Variants in CNTD1 observed in about 807,000 individuals in gnomAD.
CNTD1 encodes cyclin N-terminal domain containing 1, also known as cyclin N-terminal domain-containing protein 1.
CNTD1 carries 17 observed loss-of-function variants against 36.3 expected under a neutral mutation model. The observed-to-expected ratio is 0.47, with a 90% CI of 0.32 to 0.70. The LOEUF (loss-of-function observed/expected upper bound fraction) is 0.70. Ranked by LOEUF, CNTD1 falls within the 30% of genes least tolerant of loss-of-function variation. CNTD1 has a pLI of 0.03. For synonymous variants in CNTD1, 128 were observed against 153.3 expected, an observed-to-expected ratio of 0.83 and a Z score of 1.22; for missense variants, 338 against 386.1, an observed-to-expected ratio of 0.88 and a Z score of 1.04.
chr17:42,798,826 G>A (rs1349116507), upstream of CNTD1: 2 of 1,444,864 alleles, frequency 1.4e-6, no homozygotes, highest in African/African-American at 2.9e-5. Context: ...GGATGGACGC[G>A]GGAGGTGAGA....
At chr17:42,807,951 A>G (rs1026585406) in intron 6 of CNTD1, 87 bp downstream of exon 6, 8 of 1,054,494 alleles carry the variant, frequency 7.6e-6, no homozygotes, top group African/African-American at 1.6e-5. Context: ...ACAGAGGACA[A>G]CCTACAGAAG....
chr17:42,806,378 G>T (rs188461858), intron 4 of CNTD1, among the ~76,000 whole-genome samples: 2 of 152,264 alleles, frequency 1.3e-5, no homozygotes, highest in East Asian at 3.9e-4. Flanking sequence ...TTAGCAACTG[G>T]CTTCTGTTTG....
intron 3 of CNTD1, among the ~76,000 whole-genome samples, chr17:42,805,144 A>T (rs1472321728): frequency 2.6e-5 from 4 of 152,184 alleles, no homozygotes; most frequent in African/African-American, 9.7e-5. Flanking sequence ...ATAAGGGAAA[A>T]AAATGTTTCC....
intron 1 of CNTD1, among the ~76,000 whole-genome samples, chr17:42,802,555 A>G (rs1276304962): frequency 6.6e-6 from 1 of 152,270 alleles, no homozygotes; most frequent in Non-Finnish European, 1.5e-5. Flanking sequence ...CTAGGGTATT[A>G]TGCTGAATTG....
chr17:42,802,914 G>T (rs2054820028), intron 1 of CNTD1, among the ~76,000 whole-genome samples: 2 of 152,158 alleles, frequency 1.3e-5, no homozygotes, highest in South Asian at 4.1e-4. Context: ...CTAAAATCTT[G>T]CCAAGGTATC....
Position 42,810,737 on chromosome 17 carries a change from A to T in CNTD1, c.*1202A>T, listed in dbSNP as rs1309808078. ...AAACAAAATTAAAAGCCTTTAAGGCAAACCTCCCCCTAAGGAAAAAAGTCA... is the reference window on the plus strand; with the variant it reads ...AAACAAAATTAAAAGCCTTTAAGGCTAACCTCCCCCTAAGGAAAAAAGTCA... On this transcript the variant is annotated 3_prime_UTR_variant, in exon 7 of 7. Transcript: ENST00000588408. 6.3e-7 allele frequency: 1 copy of T among 1,579,604 alleles called. No individual in the cohort carries two copies. Among genetic ancestry groups the T allele is most frequent in the Non-Finnish European group, 8.6e-7 (1 of 1,164,726 alleles).
Position 42,807,798 on chromosome 17 carries a change from C to G in CNTD1, c.756C>G (p.Phe252Leu). 2 of 1,614,092 alleles carry G rather than the reference C, an allele frequency of 1.2e-6. No individual in the cohort carries two copies. The highest frequency in any genetic ancestry group is 1.7e-6 in the Non-Finnish European group (2 of 1,179,946). Reference protein sequence around the residue: ...GEKFTSVKEDFMLLAVGIIAA... With the variant: ...GEKFTSVKEDLMLLAVGIIAA... ...AGTTTACTTCAGTGAAGGAAGACTT[C>G]ATGCTGTTGGCAGTAGGAATCATTG... is the stretch of plus-strand genomic sequence containing the variant. The change falls in exon 6 of 7, where the codon TTC (phenylalanine) becomes TTG (leucine). Residue 252 changes from phenylalanine to leucine, a missense_variant. Physicochemically the swap from Phe to Leu is conservative, Grantham distance 22. Transcript: ENST00000588408.
intron 1 of CNTD1, among the ~76,000 whole-genome samples, chr17:42,802,173 C>T (rs1283677877): frequency 1.3e-5 from 2 of 151,952 alleles, no homozygotes; most frequent in Non-Finnish European, 2.9e-5. Context: ...TTGAGACCAG[C>T]CTGGGCAACA....
In CNTD1 at chr17:42,811,323, A is replaced by G; in HGVS notation, c.*1788A>G. ...TAAAAACTAGAGTTTCCATCCATCA[A>G]TGGGATCCTAGAAAAATCAAAAGAA... On this transcript the variant is annotated 3_prime_UTR_variant, in exon 7 of 7. Transcript: ENST00000588408. The G allele has an allele frequency of 3.5e-6, 1 of 285,982 alleles. No individual in the cohort carries two copies. The highest frequency in any genetic ancestry group is 6.4e-6 in the Non-Finnish European group (1 of 155,962). The allele number at this position is 285,982 out of a possible 1,614,324, so 17.7% of individuals were successfully genotyped here. A position where few individuals can be genotyped will look rare whatever the true frequency, so the allele number is the denominator to read the frequency against.
At position 42,805,703 on chromosome 17, in the gene CNTD1, C is replaced by G; in HGVS notation, c.418-19C>G. The G allele has an allele frequency of 6.2e-7, 1 of 1,603,308 alleles. No homozygotes were observed. Among genetic ancestry groups the G allele is most frequent in the Non-Finnish European group, 8.5e-7 (1 of 1,174,632 alleles). ...ACTTTATCCTAACATTCTTCTTTCCCTCTCTTTTCTTTGCTCAGATAATCA... is the reference window on the plus strand; with the variant it reads ...ACTTTATCCTAACATTCTTCTTTCCGTCTCTTTTCTTTGCTCAGATAATCA... On this transcript the variant is annotated intron_variant, in intron 3 of 6. Coordinates refer to ENST00000588408, the MANE Select transcript of CNTD1 (RefSeq NM_173478.3).
chr17:42,801,293 G>T (rs2054778871), intron 1 of CNTD1, among the ~76,000 whole-genome samples: 1 of 147,598 alleles, frequency 6.8e-6, no homozygotes, highest in Non-Finnish European at 1.5e-5. Context: ...GATAATAATG[G>T]CTTTGGAGCC....
At chr17:42,801,552 ATGTG>A (rs144472008) in intron 1 of CNTD1, among the ~76,000 whole-genome samples, 1,382 of 80,016 alleles carry the variant, frequency 0.017, 28 homozygotes, top group African/African-American at 0.042. Context: ...TATATAATAT[ATGTG>A]TGTGTGTGTG....
chr17:42,809,127 T>G (rs2054938650), intron 6 of CNTD1, among the ~76,000 whole-genome samples: 1 of 152,240 alleles, frequency 6.6e-6, no homozygotes, highest in African/African-American at 2.4e-5. Flanking sequence ...ATATCATTCT[T>G]ATATTTCACA....
intron 1 of CNTD1, 149 bp from the exon 2 acceptor site, chr17:42,803,471 A>C (rs1439878657): frequency 1.6e-6 from 1 of 624,526 alleles, no homozygotes; most frequent in East Asian, 2.8e-5. Flanking sequence ...AAAAGAAACT[A>C]AGCTCAGCTT....
rs1308970350 is a variant in CNTD1 at position 42,811,318 on chromosome 17, C to T, written c.*1783C>T. 4 of 284,420 alleles carry T rather than the reference C, an allele frequency of 1.4e-5. No individual in the cohort carries two copies. The East Asian group carries it at 1.9e-4, about 13-fold the overall frequency. 17.6% of individuals were successfully genotyped at this position (284,420 alleles called of 1,614,324 possible). Reference sequence around the variant, plus strand: ...CTAAGTAAAAACTAGAGTTTCCATCCATCAATGGGATCCTAGAAAAATCAA... The same window carrying T: ...CTAAGTAAAAACTAGAGTTTCCATCTATCAATGGGATCCTAGAAAAATCAA... On this transcript the variant is annotated 3_prime_UTR_variant, in exon 7 of 7. Coordinates refer to ENST00000588408, the MANE Select transcript of CNTD1 (RefSeq NM_173478.3).
At position 42,809,586 on chromosome 17, in the gene CNTD1, C is replaced by A. The variant is rs758088406; in HGVS notation, c.*51C>A. 6.6e-7 allele frequency: 1 copy of A among 1,525,046 alleles called. No homozygotes were observed. The highest frequency in any genetic ancestry group is 1.1e-5 in the South Asian group (1 of 87,066). The allele number at this position is 1,525,046 out of a possible 1,614,324, so 94.5% of individuals were successfully genotyped here. On this transcript the variant is annotated 3_prime_UTR_variant, in exon 7 of 7. Coordinates refer to ENST00000588408, the MANE Select transcript of CNTD1 (RefSeq NM_173478.3). ...ACAGCCATCCGTCACTGCACTCATG[C>A]CTCCCTCTGTTTACTTTCATACTAA...
At chr17:42,805,485 A>C in intron 3 of CNTD1, 1 of 323,794 alleles carries the variant, frequency 3.1e-6, no homozygotes, top group Non-Finnish European at 5.8e-6. Context: ...ATTAGGGAGG[A>C]AAGGAAGGGA....
At chr17:42,800,145 T>C (rs1359592373) in intron 1 of CNTD1, among the ~76,000 whole-genome samples, 1 of 150,884 alleles carries the variant, frequency 6.6e-6, no homozygotes, top group African/African-American at 2.4e-5. Context: ...CATGTGCAAT[T>C]TGGGGGAGAT....
chr17:42,801,507 A>AT (rs1376007355), intron 1 of CNTD1, among the ~76,000 whole-genome samples: 227 of 55,116 alleles, frequency 4.1e-3, no homozygotes, highest in Non-Finnish European at 5.2e-3. Flanking sequence ...AAAAAAAAAA[A>AT]AAAATATATA....
Sources: gnomAD v4.1 joint callset for allele counts (sites outside exome capture counted in the v4.1 genomes callset) on GRCh38, gnomAD v4.1.1 for gene constraint, MANE v1.5 for transcripts, NCBI Gene and HGNC (gene_info 2026-07-23, HGNC 2026-07-21) for gene names.